Variants in SMIM36 observed in about 807,000 individuals in gnomAD.
SMIM36 encodes the protein small integral membrane protein 36.
chr17:55,517,490 G>C, the SMIM36 span, among the ~76,000 whole-genome samples: 2 of 152,232 alleles, frequency 1.3e-5, 1 homozygote, highest in South Asian at 4.1e-4. Context: ...TGGAACCTGG[G>C]AGGTGAAGGC....
intron 1 of SMIM36, among the ~76,000 whole-genome samples, chr17:55,480,257 A>AT (rs1491462580): frequency 6.7e-6 from 1 of 149,456 alleles, no homozygotes; most frequent in Non-Finnish European, 1.5e-5. Context: ...AAAAAAAAAA[A>AT]GCAATGACCT....
At chr17:55,519,099 TA>T in the SMIM36 span, among the ~76,000 whole-genome samples, 3 of 152,168 alleles carry the variant, frequency 2.0e-5, no homozygotes, top group African/African-American at 2.4e-5. Context: ...TTGAAATAGT[TA>T]TTTTGACAAA....
chr17:55,458,710 C>A (rs1304390558), intron 4 of SMIM36, among the ~76,000 whole-genome samples: 2 of 152,054 alleles, frequency 1.3e-5, no homozygotes, highest in Non-Finnish European at 2.9e-5. Context: ...GAAGAGCATG[C>A]CCGCAGGCAG....
At chr17:55,526,462 A>G in the SMIM36 span, among the ~76,000 whole-genome samples, 26 of 152,096 alleles carry the variant, frequency 1.7e-4, no homozygotes, top group African/African-American at 6.0e-4. Flanking sequence ...CCCGGCCGAG[A>G]AAGACTATTA....
chr17:55,463,821 G>A (rs1018773157), intron 4 of SMIM36, among the ~76,000 whole-genome samples: 5 of 151,756 alleles, frequency 3.3e-5, no homozygotes, highest in Non-Finnish European at 5.9e-5. Context: ...TTCATTTTCT[G>A]ACTATAAGAA....
the SMIM36 span, among the ~76,000 whole-genome samples, chr17:55,523,346 A>G: frequency 1.3e-5 from 2 of 152,104 alleles, no homozygotes; most frequent in East Asian, 3.9e-4. Flanking sequence ...CCTGGCCAAC[A>G]TGGTGAAACC....
At chr17:55,528,335 T>C in the SMIM36 span, among the ~76,000 whole-genome samples, 1 of 151,984 alleles carries the variant, frequency 6.6e-6, no homozygotes, top group Non-Finnish European at 1.5e-5. Flanking sequence ...TCAAGGAAGT[T>C]CTTTTTTTTC....
At chr17:55,459,732 CACA>C (rs1286285761) in intron 4 of SMIM36, among the ~76,000 whole-genome samples, 2 of 152,194 alleles carry the variant, frequency 1.3e-5, no homozygotes, top group Non-Finnish European at 2.9e-5. Context: ...TGGGCATGGT[CACA>C]ACTGTAATCG....
At chr17:55,485,616 T>TG (rs1307872338) in intron 1 of SMIM36, among the ~76,000 whole-genome samples, 1 of 152,162 alleles carries the variant, frequency 6.6e-6, no homozygotes, top group Non-Finnish European at 1.5e-5. Context: ...AAAACCAACA[T>TG]GGTCTATGGT....
At chr17:55,505,951 A>C (rs1910073358) in intron 1 of SMIM36, among the ~76,000 whole-genome samples, 1 of 74,266 alleles carries the variant, frequency 1.3e-5, no homozygotes, top group Admixed American at 1.3e-4. Flanking sequence ...CAGAGAGCCA[A>C]ATCATGAGTG....
intron 1 of SMIM36, among the ~76,000 whole-genome samples, chr17:55,482,464 C>T (rs1332254985): frequency 6.6e-6 from 1 of 152,200 alleles, no homozygotes; most frequent in Non-Finnish European, 1.5e-5. Flanking sequence ...TTACCAAGCA[C>T]TCTCATTGTA....
chr17:55,498,167 T>G (rs1008571383), intron 1 of SMIM36, among the ~76,000 whole-genome samples: 5 of 152,190 alleles, frequency 3.3e-5, no homozygotes, highest in African/African-American at 1.2e-4. Context: ...ATTCCCTTTT[T>G]ATAACGACAC....
intron 1 of SMIM36, among the ~76,000 whole-genome samples, chr17:55,492,042 C>A (rs888286715): frequency 2.6e-5 from 4 of 151,410 alleles, no homozygotes; most frequent in African/African-American, 7.3e-5. Context: ...ACCTGTAGTC[C>A]CAGCTACTCG....
chr17:55,490,886 T>G (rs1173136321), intron 1 of SMIM36, among the ~76,000 whole-genome samples: 1 of 61,800 alleles, frequency 1.6e-5, no homozygotes, highest in East Asian at 4.3e-4. Context: ...TGATTTCCAT[T>G]TTTTTTTTTT....
At chr17:55,458,836 C>T (rs1395538914) in intron 4 of SMIM36, among the ~76,000 whole-genome samples, 1 of 152,116 alleles carries the variant, frequency 6.6e-6, no homozygotes, top group Non-Finnish European at 1.5e-5. Flanking sequence ...CTGAGAGCTA[C>T]CTCCACGCAA....
At chr17:55,454,391 C>T (rs1160051773) in intron 4 of SMIM36, among the ~76,000 whole-genome samples, 3 of 152,078 alleles carry the variant, frequency 2.0e-5, no homozygotes, top group Non-Finnish European at 2.9e-5. Context: ...TTTACCTCCT[C>T]ACTAAAAAAT....
At chr17:55,513,314 T>G (rs930522201), upstream of SMIM36, among the ~76,000 whole-genome samples, 2 of 152,238 alleles carry the variant, frequency 1.3e-5, no homozygotes, top group African/African-American at 4.8e-5. Context: ...TTTGGTGATC[T>G]GTGAAGAGCT....
In SMIM36 at chr17:55,507,308, G is replaced by A. The variant is rs1303934223; in HGVS notation, c.*174+3571C>T. Among the ~76,000 whole-genome samples, 543 of 126,576 alleles carry A rather than the reference G, an allele frequency of 4.3e-3. 4 individuals carry two copies. The highest frequency in any genetic ancestry group is 5.3e-3 in the Non-Finnish European group (330 of 62,008). 83.0% of individuals were successfully genotyped at this position (126,576 alleles called of 152,430 possible). A position where few individuals can be genotyped will look rare whatever the true frequency, so the allele number is the denominator to read the frequency against. Reference sequence around the variant, plus strand: ...GTTTATTGCGGCATTATTCACAATAGCAAAGACTTGGAACCAACCCAAATG... The same window carrying A: ...GTTTATTGCGGCATTATTCACAATAACAAAGACTTGGAACCAACCCAAATG... On this transcript the variant is annotated intron_variant, in intron 1 of 4. Coordinates refer to ENST00000636752, the Ensembl canonical transcript of SMIM36.
At chr17:55,525,033 G>T in the SMIM36 span, among the ~76,000 whole-genome samples, 1 of 152,218 alleles carries the variant, frequency 6.6e-6, no homozygotes, top group African/African-American at 2.4e-5. Flanking sequence ...AGTTGCCCAA[G>T]GTCGTATGTT....
Sources: allele counts gnomAD v4.1 joint callset (sites outside exome capture counted in the v4.1 genomes callset), GRCh38; gene constraint gnomAD v4.1.1; transcripts MANE v1.5; gene names NCBI Gene and HGNC (gene_info 2026-07-23, HGNC 2026-07-21).